TRAPPC9: variants seen among roughly 807,000 people sequenced by gnomAD.
TRAPPC9 encodes the protein IKK2 binding protein.
TRAPPC9 carries 83 observed loss-of-function variants against 124.0 expected under a neutral mutation model. That is an observed-to-expected ratio of 0.67 (90% confidence interval 0.56 to 0.80). The LOEUF (loss-of-function observed/expected upper bound fraction) is 0.80. Among genes scored for constraint, TRAPPC9 ranks in the 30% least tolerant of loss-of-function variants. TRAPPC9 has a pLI of 0.00. For missense variants in TRAPPC9, 1,302 were observed against 1,508.3 expected, an observed-to-expected ratio of 0.86 and a Z score of 2.27; for synonymous variants, 638 against 617.5, an observed-to-expected ratio of 1.03 and a Z score of -0.49.
At chr8:140,223,387 C>T (rs1218690472) in intron 16 of TRAPPC9, among the ~76,000 whole-genome samples, 8 of 152,168 alleles carry the variant, frequency 5.3e-5, no homozygotes, top group Non-Finnish European at 5.9e-5. Context: ...TCCTAGGCAT[C>T]GTACCACACA....
chr8:140,277,037 TG>T (rs1158198966), intron 14 of TRAPPC9, among the ~76,000 whole-genome samples: 6 of 152,192 alleles, frequency 3.9e-5, no homozygotes, highest in African/African-American at 1.4e-4. Flanking sequence ...CAGCTCCTCC[TG>T]GCCCTGCTCC....
At chr8:139,915,946 T>C (rs954957839) in intron 19 of TRAPPC9, among the ~76,000 whole-genome samples, 8 of 152,224 alleles carry the variant, frequency 5.3e-5, no homozygotes, top group Admixed American at 2.6e-4. Flanking sequence ...GTGAATGCAC[T>C]TGGCACTTTG....
At chr8:139,959,937 C>T (rs1437777072) in intron 19 of TRAPPC9, among the ~76,000 whole-genome samples, 2 of 152,184 alleles carry the variant, frequency 1.3e-5, no homozygotes, top group Admixed American at 6.5e-5. Context: ...ACCCAAGACA[C>T]AGAGAGCAAG....
chr8:140,238,656 T>C (rs977831873), intron 16 of TRAPPC9, among the ~76,000 whole-genome samples: 1 of 152,138 alleles, frequency 6.6e-6, no homozygotes, highest in African/African-American at 2.4e-5. Context: ...ATGGCCAACA[T>C]AATCCGAAAA....
chr8:140,400,722 C>T (rs1235049858), intron 6 of TRAPPC9, among the ~76,000 whole-genome samples: 1 of 152,114 alleles, frequency 6.6e-6, no homozygotes, highest in African/African-American at 2.4e-5. Flanking sequence ...GAGCCATCCC[C>T]ACCCCCTCTT....
chr8:140,255,846 A>T (rs2064241028), intron 15 of TRAPPC9, among the ~76,000 whole-genome samples: 1 of 152,218 alleles, frequency 6.6e-6, no homozygotes, highest in Non-Finnish European at 1.5e-5. Flanking sequence ...AGGTCGCGCC[A>T]CTACACTCCA....
At chr8:139,898,053 C>T (rs1446965659) in intron 20 of TRAPPC9, among the ~76,000 whole-genome samples, 2 of 152,244 alleles carry the variant, frequency 1.3e-5, no homozygotes, top group East Asian at 1.9e-4. Flanking sequence ...AGGCCAATAA[C>T]GGTGTCAGCT....
chr8:140,202,318 C>T (rs1035877310), intron 17 of TRAPPC9, among the ~76,000 whole-genome samples: 3 of 152,140 alleles, frequency 2.0e-5, no homozygotes, highest in African/African-American at 7.2e-5. Flanking sequence ...TCCATGCATC[C>T]ACCATGATAC....
chr8:139,889,755 A>G (rs1390129748), intron 20 of TRAPPC9, among the ~76,000 whole-genome samples: 1 of 152,196 alleles, frequency 6.6e-6, no homozygotes, highest in Non-Finnish European at 1.5e-5. Context: ...CTCGCAGGGT[A>G]GCGGCATCTG....
chr8:140,431,454 A>T (rs1035319394), intron 4 of TRAPPC9, among the ~76,000 whole-genome samples: 6 of 152,072 alleles, frequency 3.9e-5, no homozygotes, highest in South Asian at 2.1e-4. Flanking sequence ...TCAAAAAAAA[A>T]AATAAAAATA....
At chr8:140,400,229 A>T (rs537619381) in intron 6 of TRAPPC9, among the ~76,000 whole-genome samples, 56 of 152,344 alleles carry the variant, frequency 3.7e-4, no homozygotes, top group African/African-American at 1.3e-3. Flanking sequence ...CCAAAGCCAG[A>T]GAATTTGTTT....
intron 2 of TRAPPC9, among the ~76,000 whole-genome samples, chr8:140,439,413 C>T (rs1428420499): frequency 6.6e-6 from 1 of 152,140 alleles, no homozygotes; most frequent in Non-Finnish European, 1.5e-5. Context: ...TAAAGGTGAT[C>T]GGTACGTAAG....
At chr8:140,086,338 G>A (rs1844183031) in intron 17 of TRAPPC9, among the ~76,000 whole-genome samples, 1 of 152,224 alleles carries the variant, frequency 6.6e-6, no homozygotes, top group Admixed American at 6.5e-5. Context: ...GACAGAAGAA[G>A]CGGGGTAGAA....
chr8:139,878,585 C>T (rs867521045), intron 21 of TRAPPC9, among the ~76,000 whole-genome samples: 12 of 152,284 alleles, frequency 7.9e-5, no homozygotes, highest in Middle Eastern at 6.8e-3. Flanking sequence ...GAACCTCAGG[C>T]TTCAGGGCTG....
chr8:139,998,654 A>G (rs1838197238), intron 18 of TRAPPC9, among the ~76,000 whole-genome samples: 1 of 152,182 alleles, frequency 6.6e-6, no homozygotes, highest in Admixed American at 6.5e-5. Flanking sequence ...ACCAGGAGGC[A>G]GAGCTTGCAG....
intron 17 of TRAPPC9, among the ~76,000 whole-genome samples, chr8:140,126,305 A>T (rs1399460368): frequency 6.8e-6 from 1 of 148,108 alleles, no homozygotes; most frequent in Non-Finnish European, 1.5e-5. Flanking sequence ...CATCTGGAGC[A>T]TCTTAACCGT....
chr8:140,032,466 T>G (rs911632332), intron 17 of TRAPPC9, among the ~76,000 whole-genome samples: 10 of 151,728 alleles, frequency 6.6e-5, no homozygotes, highest in African/African-American at 2.4e-4. Flanking sequence ...TTACACATGC[T>G]GTCCACCTTT....
intron 17 of TRAPPC9, among the ~76,000 whole-genome samples, chr8:140,176,366 T>C (rs2062072224): frequency 6.6e-6 from 1 of 152,168 alleles, no homozygotes; most frequent in Admixed American, 6.5e-5. Flanking sequence ...CTGCCTCCTG[T>C]TATGACAGTT....
rs571982153 is a variant in TRAPPC9 at position 140,191,851 on chromosome 8, G to A, written c.2556+29608C>T. Among the ~76,000 whole-genome samples, 14 of 152,250 alleles carry A rather than the reference G, an allele frequency of 9.2e-5. No homozygotes were observed. The East Asian group carries it at 2.5e-3, about 27-fold the overall frequency. Reference sequence around the variant, plus strand: ...CCGGCTAATACCCCATAGCACAGTGGAAGGAGCACAGGTCTGAGAGTCTGT... The same window carrying A: ...CCGGCTAATACCCCATAGCACAGTGAAAGGAGCACAGGTCTGAGAGTCTGT... On this transcript the variant is annotated intron_variant, in intron 17 of 22. Coordinates refer to ENST00000438773, the MANE Select transcript of TRAPPC9 (RefSeq NM_001160372.4).
Sources: gnomAD v4.1 joint callset for allele counts (sites outside exome capture counted in the v4.1 genomes callset) on GRCh38, gnomAD v4.1.1 for gene constraint, MANE v1.5 for transcripts, NCBI Gene and HGNC (gene_info 2026-07-23, HGNC 2026-07-21) for gene names.